Variants in HIPK2 observed in about 807,000 individuals in gnomAD.
The protein encoded by HIPK2 is homeodomain interacting protein kinase 2, also known as homeodomain-interacting protein kinase 2.
A neutral mutation model predicts 113.7 loss-of-function variants in HIPK2; 27 were observed. The observed-to-expected ratio is 0.24, with a 90% confidence interval of 0.17 to 0.33. HIPK2 has a LOEUF of 0.33. HIPK2 is among the 10% of genes least tolerant of loss of function. The pLI is 1.00. For synonymous variants in HIPK2, 631 were observed against 642.2 expected, an observed-to-expected ratio of 0.98 and a Z score of 0.26; for missense variants, 1,257 against 1,588.0, an observed-to-expected ratio of 0.79 and a Z score of 3.54.
At chr7:139,745,133 G>A (rs1298091921) in intron 1 of HIPK2, among the ~76,000 whole-genome samples, 1 of 152,202 alleles carries the variant, frequency 6.6e-6, no homozygotes, top group Non-Finnish European at 1.5e-5. Flanking sequence ...GTTGGGGCAT[G>A]CAGGTCAACA....
At chr7:139,659,355 A>C (rs1007040296) in intron 2 of HIPK2, among the ~76,000 whole-genome samples, 1 of 152,238 alleles carries the variant, frequency 6.6e-6, no homozygotes, top group African/African-American at 2.4e-5. Flanking sequence ...GGCATAATTT[A>C]ATAACATCCG....
chr7:139,674,340 A>C (rs1416250256), intron 2 of HIPK2, among the ~76,000 whole-genome samples: 2 of 152,186 alleles, frequency 1.3e-5, no homozygotes, highest in African/African-American at 4.8e-5. Context: ...ATTATTCCAC[A>C]CATAAAGCAA....
At position 139,583,927 on chromosome 7, in the gene HIPK2, G is replaced by C; in HGVS notation, c.2855C>G (p.Thr952Ser). 6.2e-7 allele frequency: 1 copy of C among 1,614,066 alleles called. No homozygotes were observed. The highest frequency in any genetic ancestry group is 2.2e-5 in the East Asian group (1 of 44,882). Reference sequence around the variant, plus strand: ...GCAGTGATTCTCCAGGCTCCCCTTGGTGTCAAAGGCATTGGCATTGTTGTG... The same window carrying C: ...GCAGTGATTCTCCAGGCTCCCCTTGCTGTCAAAGGCATTGGCATTGTTGTG... ...AGHNNANAFD[T>S]KGSLENHCTG... The change falls in exon 13 of 15, where the codon ACC (threonine) becomes AGC (serine). Residue 952 changes from threonine (T) to serine (S), a missense_variant. Thr to Ser is a moderately conservative substitution (Grantham distance 58, BLOSUM62 1). Around this residue, in one of 5 missense-constraint regions of HIPK2, gnomAD observed 862 missense variants for 1,004.3 expected, o/e 0.86. Coordinates refer to ENST00000406875, the MANE Select transcript of HIPK2 (RefSeq NM_022740.5).
intron 7 of HIPK2, among the ~76,000 whole-genome samples, chr7:139,616,447 C>T (rs985687259): frequency 6.6e-6 from 1 of 152,158 alleles, no homozygotes; most frequent in African/African-American, 2.4e-5. Flanking sequence ...GCCAACCTTA[C>T]CTTCTAGACT....
chr7:139,659,095 A>T (rs1466337357), intron 2 of HIPK2, among the ~76,000 whole-genome samples: 1 of 152,180 alleles, frequency 6.6e-6, no homozygotes, highest in Non-Finnish European at 1.5e-5. Flanking sequence ...GACCAAAAAC[A>T]ATAGGGCCCT....
rs559347130 is a variant in HIPK2, at chr7:139,714,366, T to G, written c.1103+1566A>C. 6.6e-6 allele frequency among the ~76,000 whole-genome samples: 1 copy of G among 152,258 alleles called. No individual in the cohort carries two copies. Among genetic ancestry groups the G allele is most frequent in the African/African-American group, 2.4e-5 (1 of 41,550 alleles). On this transcript the variant is annotated intron_variant, in intron 2 of 14. Transcript: ENST00000406875. The surrounding 1 kb of genome is among the most constrained non-coding windows in gnomAD (Gnocchi z 4.2). ...ACGGGGTGGAAGGTGGGAGGGCATC[T>G]GGGGATCCGAACGGAGGGGCTGTTG... is the stretch of plus-strand genomic sequence containing the variant.
intron 9 of HIPK2, among the ~76,000 whole-genome samples, chr7:139,611,069 T>C (rs1179057002): frequency 6.6e-6 from 1 of 152,250 alleles, no homozygotes; most frequent in Non-Finnish European, 1.5e-5. Flanking sequence ...CTTTGGGAAC[T>C]ATCTCCAGTG....
chr7:139,710,390 G>T (rs886339554), intron 2 of HIPK2, among the ~76,000 whole-genome samples: 38 of 152,244 alleles, frequency 2.5e-4, no homozygotes, highest in African/African-American at 7.5e-4. Flanking sequence ...TAACCCATCT[G>T]GCAAAATCTT....
chr7:139,705,876 G>A (rs1794880839), intron 2 of HIPK2, among the ~76,000 whole-genome samples: 1 of 151,322 alleles, frequency 6.6e-6, no homozygotes, highest in African/African-American at 2.4e-5. Context: ...TGCTCACTAT[G>A]TGCCAGGCAC....
chr7:139,650,110 G>C (rs1439265979), intron 2 of HIPK2, among the ~76,000 whole-genome samples: 1 of 152,184 alleles, frequency 6.6e-6, no homozygotes, highest in Non-Finnish European at 1.5e-5. Context: ...AGCACTTTGG[G>C]ATGCCAAGGC....
At chr7:139,638,597 A>G (rs1664846205) in intron 2 of HIPK2, among the ~76,000 whole-genome samples, 1 of 152,116 alleles carries the variant, frequency 6.6e-6, no homozygotes, top group South Asian at 2.1e-4. Flanking sequence ...TTCCTTTCCA[A>G]CATTCCCAAA....
chr7:139,735,542 C>A (rs1015532326), intron 1 of HIPK2, among the ~76,000 whole-genome samples: 1 of 152,212 alleles, frequency 6.6e-6, no homozygotes, highest in African/African-American at 2.4e-5. Flanking sequence ...AAGCACCACC[C>A]CAAGAGTGGC....
At chr7:139,592,861 A>C (rs1585248608) in intron 12 of HIPK2, among the ~76,000 whole-genome samples, 1 of 152,260 alleles carries the variant, frequency 6.6e-6, no homozygotes, top group Admixed American at 6.5e-5. Flanking sequence ...CCAATTCTCT[A>C]GCCATGACCA....
chr7:139,694,347 G>GT (rs1794502151), intron 2 of HIPK2, among the ~76,000 whole-genome samples: 1 of 152,172 alleles, frequency 6.6e-6, no homozygotes, highest in Non-Finnish European at 1.5e-5. Context: ...ACCTAGCCCA[G>GT]TGATAGATAC....
chr7:139,677,245 A>T (rs1458992392), intron 2 of HIPK2, among the ~76,000 whole-genome samples: 1 of 94,590 alleles, frequency 1.1e-5, no homozygotes, highest in African/African-American at 4.2e-5. Context: ...TATATATATT[A>T]TATATATATA....
intron 1 of HIPK2, among the ~76,000 whole-genome samples, chr7:139,742,917 G>A (rs1372554031): frequency 6.6e-6 from 1 of 152,186 alleles, no homozygotes; most frequent in Non-Finnish European, 1.5e-5. Context: ...TGACTTATGA[G>A]GAACAATCAA....
At chr7:139,673,811 G>A (rs1271576109) in intron 2 of HIPK2, among the ~76,000 whole-genome samples, 1 of 149,430 alleles carries the variant, frequency 6.7e-6, no homozygotes, top group African/African-American at 2.5e-5. Context: ...ACTTTGGGAG[G>A]GTGAGCCAGG....
At chr7:139,673,364 TTCTC>T (rs920120088) in intron 2 of HIPK2, among the ~76,000 whole-genome samples, 1 of 151,894 alleles carries the variant, frequency 6.6e-6, no homozygotes, top group African/African-American at 2.4e-5. Flanking sequence ...AATCTGTCAG[TTCTC>T]TCTCTCTCTT....
chr7:139,660,957 C>T (rs982526751), intron 2 of HIPK2, among the ~76,000 whole-genome samples: 11 of 150,800 alleles, frequency 7.3e-5, no homozygotes, highest in East Asian at 2.0e-4. Context: ...TTCCCACACC[C>T]GTCTGCTCTT....
Sources: gnomAD v4.1 joint callset for allele counts (sites outside exome capture counted in the v4.1 genomes callset) on GRCh38, gnomAD v4.1.1 for gene constraint, gnomAD v4.1.1 regional missense constraint, Gnocchi (gnomAD v3.1) non-coding constraint, MANE v1.5 for transcripts, NCBI Gene and HGNC (gene_info 2026-07-23, HGNC 2026-07-21) for gene names.